RPS6KA2: variants seen among roughly 807,000 people sequenced by gnomAD.
RPS6KA2 encodes ribosomal protein S6 kinase A2, also known as ribosomal protein S6 kinase alpha-2.
In RPS6KA2, 42 loss-of-function variants were observed where a neutral mutation model predicts 91.8. The observed-to-expected ratio is 0.46, with a 90% CI of 0.36 to 0.59. The LOEUF (loss-of-function observed/expected upper bound fraction) is 0.59, where lower values mean the gene tolerates loss of function less well. RPS6KA2 is among the 20% of genes least tolerant of loss of function. The probability of loss-of-function intolerance (pLI) is 0.00; values close to 1 mark genes in which losing one functional copy is unlikely to be tolerated. For missense variants in RPS6KA2, 798 were observed against 978.5 expected (o/e 0.82, Z 2.46); for synonymous variants, 414 against 393.6 (o/e 1.05, Z -0.61).
intron 1 of RPS6KA2, among the ~76,000 whole-genome samples, chr6:166,579,225 CTTT>C (rs939626215): frequency 1.6e-4 from 24 of 152,088 alleles, no homozygotes; most frequent in African/African-American, 5.8e-4. Context: ...CTGCATTCAG[CTTT>C]TTTTGAGTGC....
intron 2 of RPS6KA2, among the ~76,000 whole-genome samples, chr6:166,672,427 C>A (rs1333585265): frequency 1.3e-5 from 2 of 152,226 alleles, no homozygotes; most frequent in Non-Finnish European, 2.9e-5. Flanking sequence ...TAACTGATTT[C>A]CTGACCTGTC....
intron 2 of RPS6KA2, among the ~76,000 whole-genome samples, chr6:166,712,249 C>T (rs535812377): frequency 2.7e-4 from 41 of 152,188 alleles, no homozygotes; most frequent in Non-Finnish European, 5.4e-4. Flanking sequence ...AGGCACATCA[C>T]CTGACCTTCA....
chr6:166,501,064 C>A, intron 6 of RPS6KA2, 140 bp from the exon 7 acceptor site: 1 of 699,202 alleles, frequency 1.4e-6, no homozygotes, highest in Non-Finnish European at 2.4e-6. Context: ...CCAGGAGATC[C>A]CCACGGCTTG....
At position 166,435,752 on chromosome 6, in the gene RPS6KA2, G is replaced by A. The variant is rs1779275212; in HGVS notation, c.1333-3262C>T. Among the ~76,000 whole-genome samples the A allele has an allele frequency of 6.6e-6, 1 of 152,280 alleles. No individual in the cohort carries two copies. Among genetic ancestry groups the A allele is most frequent in the African/African-American group, 2.4e-5 (1 of 41,478 alleles). On this transcript the variant is annotated intron_variant, in intron 14 of 20. Transcript: ENST00000265678. The surrounding 1 kb of genome is among the most constrained non-coding windows in gnomAD (Gnocchi z 4.3). ...CTGTCTCAGGCGACAACACTGCTGT[G>A]GGTGTGGGTGGCTTGGCCTGTGGCC... is the stretch of plus-strand genomic sequence containing the variant.
intron 2 of RPS6KA2, among the ~76,000 whole-genome samples, chr6:166,658,275 G>A (rs947526882): frequency 2.6e-4 from 40 of 152,126 alleles, no homozygotes; most frequent in Admixed American, 2.6e-3. Flanking sequence ...CTGAGCCCAG[G>A]GTGCATCCGT....
chr6:166,542,697 G>C (rs967783168), intron 1 of RPS6KA2, among the ~76,000 whole-genome samples: 1 of 152,210 alleles, frequency 6.6e-6, no homozygotes, highest in African/African-American at 2.4e-5. Flanking sequence ...TGCTGGGAGC[G>C]GCTGGGAAGT....
At chr6:166,806,441 C>T (rs147297713) in intron 2 of RPS6KA2, among the ~76,000 whole-genome samples, 3 of 152,272 alleles carry the variant, frequency 2.0e-5, no homozygotes, top group African/African-American at 7.2e-5. Context: ...TCATCAAAAA[C>T]TTTGGTGGCC....
intron 2 of RPS6KA2, among the ~76,000 whole-genome samples, chr6:166,841,937 T>C (rs1780489896): frequency 6.6e-6 from 1 of 152,054 alleles, no homozygotes; most frequent in Admixed American, 6.6e-5. Context: ...TCCCTAAGGG[T>C]CACCGTGATT....
At chr6:166,535,198 C>A (rs536243063) in intron 2 of RPS6KA2, among the ~76,000 whole-genome samples, 3 of 152,276 alleles carry the variant, frequency 2.0e-5, no homozygotes, top group Admixed American at 2.0e-4. Flanking sequence ...GCTGTGAGAA[C>A]CGCGACCTGG....
At position 166,459,513 on chromosome 6, in the gene RPS6KA2, T is replaced by C. The variant is rs767074321; in HGVS notation, c.1011A>G (p.Pro337=). The part of the protein sequence containing the change: ...YRKEIKPPFK[P]AVGRPEDTFH... Reference sequence around the variant, plus strand: ...AGGTGTCCTCAGGCCTGCCCACTGCTGGTTTGAACGGTGGCTTGATCTCCT... The same window carrying C: ...AGGTGTCCTCAGGCCTGCCCACTGCCGGTTTGAACGGTGGCTTGATCTCCT... Residue 337 remains proline (P), a synonymous_variant, in exon 12 of 21, where the codon CCA becomes CCG. Transcript: ENST00000265678. This position sits in a 1 kb window ranked among gnomAD's most constrained non-coding sequence, Gnocchi z 4.9. 30 of 1,614,006 alleles carry C rather than the reference T, an allele frequency of 1.9e-5. No homozygotes were observed. Among genetic ancestry groups the C allele is most frequent in the Non-Finnish European group, 2.5e-5 (30 of 1,180,008 alleles).
chr6:166,551,009 A>AAAAAAAAAAAAAAAAAAAAAAC (rs1784005320), intron 1 of RPS6KA2, among the ~76,000 whole-genome samples: 2 of 150,530 alleles, frequency 1.3e-5, no homozygotes, highest in South Asian at 2.1e-4. Flanking sequence ...AAAAAAAAAA[A>AAAAAAAAAAAAAAAAAAAAAAC]AAGAACGTGA....
intron 12 of RPS6KA2, among the ~76,000 whole-genome samples, chr6:166,453,903 C>T (rs771575459): frequency 2.6e-5 from 4 of 152,142 alleles, no homozygotes; most frequent in Non-Finnish European, 4.4e-5. Context: ...TTTGCAGCAA[C>T]ATGGATGGAA....
At position 166,529,253 on chromosome 6, in the gene RPS6KA2, G is replaced by A. The variant is rs550392613; in HGVS notation, c.298+1979C>T. Reference sequence around the variant, plus strand: ...ATACTATGCAGCCATAAAAAAGGATGAGTTCATATGGTTTGTAGGGACATG... The same window carrying A: ...ATACTATGCAGCCATAAAAAAGGATAAGTTCATATGGTTTGTAGGGACATG... On this transcript the variant is annotated intron_variant, in intron 3 of 20. Transcript: ENST00000265678. Among the ~76,000 whole-genome samples, 4 of 152,344 alleles carry A rather than the reference G, an allele frequency of 2.6e-5. No homozygotes were observed. The East Asian group carries it at 7.7e-4, about 29-fold the overall frequency.
At chr6:166,608,747 A>T (rs1786047007) in intron 1 of RPS6KA2, among the ~76,000 whole-genome samples, 1 of 152,164 alleles carries the variant, frequency 6.6e-6, no homozygotes, top group Admixed American at 6.5e-5. Flanking sequence ...AGACTTTCTC[A>T]ACTTTTTTAG....
chr6:166,648,095 CTCATACACACACGT>C lies in RPS6KA2; in HGVS notation c.124-109325_124-109312del, dbSNP rs199813397. On this transcript the variant is annotated intron_variant, in intron 2 of 21. Transcript: ENST00000503859. The surrounding 1 kb of genome is among the most constrained non-coding windows in gnomAD (Gnocchi z 4.8). The stretch of plus-strand genomic sequence containing the variant: ...ACACGCACATGGTCATACACACACG[CTCATACACACACGT>C]GCACACACACGCTCATACACATACA... Among the ~76,000 whole-genome samples the C allele has an allele frequency of 0.11, 16,579 of 150,384 alleles. 970 individuals carry two copies. The highest frequency in any genetic ancestry group is 0.17 in the South Asian group (794 of 4,714).
chr6:166,538,845 G>T, intron 1 of RPS6KA2, 61 bp from the exon 2 acceptor site: 1 of 850,032 alleles, frequency 1.2e-6, no homozygotes. Context: ...GCCGCTCACA[G>T]CTTCCTCCTC....
At position 166,453,232 on chromosome 6, in the gene RPS6KA2, A is replaced by AC. The variant is rs1562504101; in HGVS notation, c.1076-2000_1076-1999insG. Among the ~76,000 whole-genome samples the AC allele has an allele frequency of 2.7e-3, 251 of 94,362 alleles. 2 individuals carry two copies. Among genetic ancestry groups the AC allele is most frequent in the Admixed American group, 5.5e-3 (48 of 8,752 alleles). 61.9% of individuals were successfully genotyped at this position (94,362 alleles called of 152,430 possible). On this transcript the variant is annotated intron_variant, in intron 12 of 20. Transcript: ENST00000265678. ...ACACACACACACACACACACACACA[A>AC]AAAGGCTTTAAGACCAGCATAAGAA...
chr6:166,611,526 G>C (rs983583935), intron 1 of RPS6KA2, among the ~76,000 whole-genome samples: 2 of 152,236 alleles, frequency 1.3e-5, no homozygotes, highest in East Asian at 1.9e-4. Flanking sequence ...TTCTTGTACA[G>C]AGTGAATGAG....
rs1384799716 is a variant in RPS6KA2 at position 166,704,618 on chromosome 6, T to C, written c.123+153582A>G. On this transcript the variant is annotated intron_variant, in intron 2 of 21. Coordinates refer to the RPS6KA2 transcript ENST00000503859. ...CCCATCGGCCCCAGGTTTCTTCTGC[T>C]GGTCCTGTCTGGCCATGTGTTTGGG... Among the ~76,000 whole-genome samples the C allele has an allele frequency of 2.0e-5, 3 of 152,360 alleles. No individual in the cohort carries two copies. The East Asian group carries it at 5.8e-4, about 29-fold the overall frequency.
Sources: gnomAD v4.1 joint callset for allele counts (sites outside exome capture counted in the v4.1 genomes callset) on GRCh38, gnomAD v4.1.1 for gene constraint, Gnocchi (gnomAD v3.1) non-coding constraint, MANE v1.5 for transcripts, NCBI Gene and HGNC (gene_info 2026-07-23, HGNC 2026-07-21) for gene names.